Variants in CHODL observed in about 807,000 individuals in gnomAD.
CHODL encodes transmembrane protein MT75.
In CHODL, 29 loss-of-function variants were observed where a neutral mutation model predicts 34.5. The observed-to-expected ratio is 0.84, with a 90% CI of 0.63 to 1.15. The LOEUF (loss-of-function observed/expected upper bound fraction) is 1.15. Among genes scored for constraint, CHODL ranks in the 50% most tolerant of loss-of-function variants. The probability of loss-of-function intolerance (pLI) is 0.00; values close to 1 mark genes in which losing one functional copy is unlikely to be tolerated. For synonymous variants in CHODL, 125 were observed against 116.1 expected, an observed-to-expected ratio of 1.08 and a Z score of -0.49; for missense variants, 332 against 332.5, an observed-to-expected ratio of 1.00 and a Z score of 0.01.
At chr21:18,113,813 G>A (rs1378077690) in intron 2 of CHODL, among the ~76,000 whole-genome samples, 1 of 152,174 alleles carries the variant, frequency 6.6e-6, no homozygotes, top group Non-Finnish European at 1.5e-5. Context: ...AGAAAGGAAA[G>A]CAGTATATTG....
At chr21:18,222,750 C>G (rs140532998) in intron 2 of CHODL, among the ~76,000 whole-genome samples, 1 of 152,148 alleles carries the variant, frequency 6.6e-6, no homozygotes, top group Admixed American at 6.5e-5. Context: ...CCCATAGAGG[C>G]TCTGTTTGAC....
At chr21:18,107,741 G>A (rs1469497328) in intron 2 of CHODL, among the ~76,000 whole-genome samples, 1 of 152,206 alleles carries the variant, frequency 6.6e-6, no homozygotes, top group Non-Finnish European at 1.5e-5. Flanking sequence ...AATGGCCTGA[G>A]CTCAGTAGCT....
At chr21:18,039,908 A>G (rs2064354959) in intron 2 of CHODL, among the ~76,000 whole-genome samples, 1 of 151,784 alleles carries the variant, frequency 6.6e-6, no homozygotes, top group African/African-American at 2.4e-5. Context: ...ATTTATATAG[A>G]TATTAGTTTT....
intron 1 of CHODL, among the ~76,000 whole-genome samples, chr21:17,953,916 A>G (rs2146344585): frequency 6.6e-6 from 1 of 152,280 alleles, no homozygotes; most frequent in East Asian, 1.9e-4. Context: ...AGGCTGAGGC[A>G]GGACAATCAC....
At chr21:18,249,084 T>A (rs1233025153) in intron 1 of CHODL, among the ~76,000 whole-genome samples, 2 of 122,430 alleles carry the variant, frequency 1.6e-5, no homozygotes, top group Non-Finnish European at 3.2e-5. Context: ...AATATATATA[T>A]AATAAAATAT....
intron 2 of CHODL, among the ~76,000 whole-genome samples, chr21:18,180,643 G>A (rs965995386): frequency 2.0e-5 from 3 of 152,158 alleles, no homozygotes; most frequent in Admixed American, 6.5e-5. Context: ...ATTGTGTGTT[G>A]CTCAAGATCC....
chr21:18,069,984 TTTCCCTTCCC>T lies in CHODL; in HGVS notation c.-45+42045_-45+42054del, dbSNP rs755537479. On this transcript the variant is annotated intron_variant, in intron 2 of 6. Transcript: ENST00000400127. ...CCTTCCTTTTCTTTCCCTCCTTTTC[TTTCCCTTCCC>T]TTCCCTTCCCTTCCCTTCCCTTCCC... Among the ~76,000 whole-genome samples the T allele has an allele frequency of 4.5e-3, 197 of 44,126 alleles. 1 individual carries two copies. The highest frequency in any genetic ancestry group is 0.013 in the African/African-American group (178 of 14,096). 28.9% of individuals were successfully genotyped at this position (44,126 alleles called of 152,430 possible).
chr21:17,943,944 G>A (rs1370879287), intron 1 of CHODL, among the ~76,000 whole-genome samples: 1 of 152,136 alleles, frequency 6.6e-6, no homozygotes, highest in Non-Finnish European at 1.5e-5. Flanking sequence ...TGTGACCAGT[G>A]CACAAATCTT....
At chr21:17,942,120 AGTAAAAAAGT>A (rs2063369451) in intron 1 of CHODL, among the ~76,000 whole-genome samples, 1 of 152,254 alleles carries the variant, frequency 6.6e-6, no homozygotes, top group South Asian at 2.1e-4. Context: ...AGTATGTAAT[AGTAAAAAAGT>A]GTAAAAAACA....
intron 1 of CHODL, among the ~76,000 whole-genome samples, chr21:17,947,742 A>G (rs1157474455): frequency 6.6e-6 from 1 of 152,152 alleles, no homozygotes; most frequent in Admixed American, 6.5e-5. Flanking sequence ...AAAACAGGAT[A>G]TGGATTGCTC....
intron 1 of CHODL, among the ~76,000 whole-genome samples, chr21:17,975,128 C>G (rs1015598764): frequency 6.6e-6 from 1 of 151,934 alleles, no homozygotes; most frequent in African/African-American, 2.4e-5. Flanking sequence ...GAGTTCAAGA[C>G]GAGCCTGGCC....
intron 2 of CHODL, among the ~76,000 whole-genome samples, chr21:18,146,799 G>C (rs905982221): frequency 6.6e-6 from 1 of 152,128 alleles, no homozygotes. Flanking sequence ...GTATTGTAAA[G>C]AAGAATATTT....
At chr21:18,136,871 G>A (rs2072740557) in intron 2 of CHODL, among the ~76,000 whole-genome samples, 1 of 151,090 alleles carries the variant, frequency 6.6e-6, no homozygotes. Context: ...CTGCTTTGGT[G>A]TGATAATCCC....
chr21:17,918,914 C>T (rs73321529), intron 1 of CHODL, among the ~76,000 whole-genome samples: 2,719 of 152,328 alleles, frequency 0.018, 59 homozygotes, highest in South Asian at 0.053. Flanking sequence ...AACGAAGGGG[C>T]TACAGGCCCC....
At chr21:18,203,695 A>G (rs2073681012) in intron 2 of CHODL, among the ~76,000 whole-genome samples, 1 of 152,156 alleles carries the variant, frequency 6.6e-6, no homozygotes, top group Admixed American at 6.6e-5. Context: ...GTATTTAGAA[A>G]ATAAAGCCTA....
At chr21:18,013,635 C>CTTTTTTTTTGTTTTTTTTTT (rs2064041149) in intron 1 of CHODL, among the ~76,000 whole-genome samples, 1 of 71,896 alleles carries the variant, frequency 1.4e-5, no homozygotes, top group African/African-American at 6.3e-5. Context: ...GCTGCTGCTG[C>CTTTTTTTTTGTTTTTTTTTT]TTTTTTTTTT....
chr21:18,080,947 A>C (rs1342203842), intron 2 of CHODL, among the ~76,000 whole-genome samples: 1 of 152,136 alleles, frequency 6.6e-6, no homozygotes, highest in Admixed American at 6.5e-5. Context: ...TTTTAACTAC[A>C]TTTATCCTTG....
At chr21:18,175,845 T>C (rs999424329) in intron 2 of CHODL, among the ~76,000 whole-genome samples, 19 of 128,440 alleles carry the variant, frequency 1.5e-4, no homozygotes, top group African/African-American at 4.8e-4. Context: ...CAAAGGATTC[T>C]AGACATGTGA....
At chr21:18,247,261 C>G (rs2074152386) in intron 1 of CHODL, among the ~76,000 whole-genome samples, 1 of 152,044 alleles carries the variant, frequency 6.6e-6, no homozygotes, top group Non-Finnish European at 1.5e-5. Context: ...GACCATTCAC[C>G]AAATCTTTAT....
Sources: allele counts gnomAD v4.1 joint callset (sites outside exome capture counted in the v4.1 genomes callset), GRCh38; gene constraint gnomAD v4.1.1; transcripts MANE v1.5; gene names NCBI Gene and HGNC (gene_info 2026-07-23, HGNC 2026-07-21).